Variants in GABRG3 observed in about 807,000 individuals in gnomAD.
GABRG3 encodes gamma-aminobutyric acid receptor subunit gamma-3.
GABRG3 carries 25 observed loss-of-function variants against 48.8 expected under a neutral mutation model. The observed-to-expected ratio is 0.51, with a 90% CI of 0.37 to 0.72. GABRG3 has a LOEUF of 0.72. Ranked by LOEUF, GABRG3 falls within the 30% of genes least tolerant of loss-of-function variation. GABRG3 has a pLI of 0.00. For missense variants in GABRG3, 394 were observed against 577.9 expected (o/e 0.68, Z 3.26); for synonymous variants, 227 against 217.6 (o/e 1.04, Z -0.38).
chr15:27,381,795 G>A (rs1167007209), intron 5 of GABRG3, among the ~76,000 whole-genome samples: 6 of 152,164 alleles, frequency 3.9e-5, no homozygotes, highest in Non-Finnish European at 1.5e-5. Flanking sequence ...CCAAGCTGGT[G>A]ATTTCAGCTT....
At position 27,073,681 on chromosome 15, in the gene GABRG3, C is replaced by T. The variant is rs146372410; in HGVS notation, c.270+46860C>T. Among the ~76,000 whole-genome samples, 412 of 152,356 alleles carry T rather than the reference C, an allele frequency of 2.7e-3. 1 individual carries two copies. The highest frequency in any genetic ancestry group is 9.3e-3 in the African/African-American group (386 of 41,586). ...GTTAGCTATTGCTATTTAATAATGT[C>T]TCCACAAGCTCAGTGGCTAAGATAA... On this transcript the variant is annotated intron_variant, in intron 3 of 9. Coordinates refer to ENST00000615808, the MANE Select transcript of GABRG3 (RefSeq NM_033223.5).
chr15:27,262,924 A>G (rs1890809928), intron 3 of GABRG3, among the ~76,000 whole-genome samples: 1 of 152,286 alleles, frequency 6.6e-6, no homozygotes, highest in East Asian at 1.9e-4. Flanking sequence ...TGCAAGAGAG[A>G]AACACATATT....
chr15:27,395,533 T>C (rs1887273637), intron 5 of GABRG3, among the ~76,000 whole-genome samples: 1 of 152,214 alleles, frequency 6.6e-6, no homozygotes, highest in Non-Finnish European at 1.5e-5. Flanking sequence ...TTGTCAATAG[T>C]GTAGATACAT....
At chr15:27,015,501 G>C (rs917160854) in intron 2 of GABRG3, among the ~76,000 whole-genome samples, 9 of 150,144 alleles carry the variant, frequency 6.0e-5, no homozygotes, top group Admixed American at 2.7e-4. Context: ...TCTCCTGCCT[G>C]AGCCTCCCGA....
chr15:27,254,648 G>A (rs986941680), intron 3 of GABRG3, among the ~76,000 whole-genome samples: 2 of 152,076 alleles, frequency 1.3e-5, no homozygotes, highest in Non-Finnish European at 2.9e-5. Flanking sequence ...GAAAGGACAA[G>A]GCCGCTCTCA....
chr15:27,398,753 C>T (rs1887395294), intron 5 of GABRG3, among the ~76,000 whole-genome samples: 2 of 152,124 alleles, frequency 1.3e-5, no homozygotes, highest in Non-Finnish European at 2.9e-5. Flanking sequence ...CAGAAAAGGG[C>T]TTGCTGACTG....
At chr15:27,128,513 A>G (rs1021198964) in intron 3 of GABRG3, among the ~76,000 whole-genome samples, 7 of 152,252 alleles carry the variant, frequency 4.6e-5, no homozygotes, top group South Asian at 2.1e-4. Context: ...TGCAGCCAGC[A>G]TGGCTTCCCT....
At chr15:27,333,440 G>C (rs1480927382) in intron 5 of GABRG3, among the ~76,000 whole-genome samples, 1 of 152,074 alleles carries the variant, frequency 6.6e-6, no homozygotes, top group Non-Finnish European at 1.5e-5. Flanking sequence ...TATCTTTGGA[G>C]CCAAAAACAG....
At chr15:26,995,962 T>C (rs1407980782) in intron 2 of GABRG3, among the ~76,000 whole-genome samples, 2 of 152,190 alleles carry the variant, frequency 1.3e-5, no homozygotes, top group African/African-American at 4.8e-5. Context: ...TCTGCTCCAA[T>C]GCAGCTGTAT....
intron 3 of GABRG3, among the ~76,000 whole-genome samples, chr15:27,132,307 G>A (rs1897928895): frequency 6.6e-6 from 1 of 151,784 alleles, no homozygotes; most frequent in Non-Finnish European, 1.5e-5. Flanking sequence ...GTTGTTTGTT[G>A]TATAAGGTGA....
intron 3 of GABRG3, among the ~76,000 whole-genome samples, chr15:27,042,495 A>T (rs1249704643): frequency 6.6e-6 from 1 of 152,162 alleles, no homozygotes; most frequent in African/African-American, 2.4e-5. Flanking sequence ...GCTTCAGAGG[A>T]TGCCCGTTGC....
At chr15:27,068,521 G>A (rs1013148733) in intron 3 of GABRG3, among the ~76,000 whole-genome samples, 8 of 152,250 alleles carry the variant, frequency 5.3e-5, no homozygotes. Flanking sequence ...GAAACTTTTG[G>A]CAATGTTTCT....
chr15:27,429,170 A>G (rs1054558233), intron 5 of GABRG3, among the ~76,000 whole-genome samples: 1 of 152,246 alleles, frequency 6.6e-6, no homozygotes, highest in South Asian at 2.1e-4. Flanking sequence ...TCAAAACACA[A>G]CTGTTGTATG....
intron 3 of GABRG3, among the ~76,000 whole-genome samples, chr15:27,152,809 TC>T (rs1898341687): frequency 6.6e-6 from 1 of 152,166 alleles, no homozygotes; most frequent in Admixed American, 6.5e-5. Context: ...ATCCTACAAT[TC>T]AATTTTTCTT....
intron 3 of GABRG3, among the ~76,000 whole-genome samples, chr15:27,280,664 T>C (rs1891403680): frequency 6.6e-6 from 1 of 152,264 alleles, no homozygotes; most frequent in African/African-American, 2.4e-5. Context: ...TAATTACATT[T>C]CAGTTTGAAT....
chr15:27,442,946 C>T (rs539926548), intron 5 of GABRG3, among the ~76,000 whole-genome samples: 9 of 152,292 alleles, frequency 5.9e-5, no homozygotes, highest in African/African-American at 1.2e-4. Flanking sequence ...GCCATCAGAG[C>T]GGGGACAGGG....
intron 3 of GABRG3, among the ~76,000 whole-genome samples, chr15:27,210,554 G>A (rs1041596208): frequency 7.2e-5 from 11 of 152,184 alleles, no homozygotes; most frequent in Non-Finnish European, 1.3e-4. Flanking sequence ...CACTTCCAGA[G>A]CATTGCCCAC....
Position 27,376,947 on chromosome 15 carries a change from A to G in GABRG3, c.574+48059A>G, listed in dbSNP as rs1202344876. 3.3e-5 allele frequency among the ~76,000 whole-genome samples: 5 copies of G among 152,236 alleles called. No homozygotes were observed. The East Asian group carries it at 9.7e-4, about 29-fold the overall frequency. ...CAGGCTGCAAATTTTCCAAACTTTT[A>G]TGCTCTGTTTCCCTTTTAAAACTGA... is the stretch of plus-strand genomic sequence containing the variant. On this transcript the variant is annotated intron_variant, in intron 5 of 9. Coordinates refer to ENST00000615808, the MANE Select transcript of GABRG3 (RefSeq NM_033223.5).
intron 3 of GABRG3, among the ~76,000 whole-genome samples, chr15:27,164,411 G>A (rs1887305853): frequency 6.6e-6 from 1 of 152,150 alleles, no homozygotes; most frequent in Non-Finnish European, 1.5e-5. Context: ...TACCCCTAAT[G>A]TTACTGTAAT....
Sources: gnomAD v4.1 joint callset for allele counts (sites outside exome capture counted in the v4.1 genomes callset) on GRCh38, gnomAD v4.1.1 for gene constraint, MANE v1.5 for transcripts, NCBI Gene and HGNC (gene_info 2026-07-23, HGNC 2026-07-21) for gene names.